Variants in LPL observed in about 807,000 individuals in gnomAD.
The protein encoded by LPL is lipoprotein lipase, also known as phospholipase A1.
A neutral mutation model predicts 52.2 loss-of-function variants in LPL; 43 were observed. The ratio of observed to expected loss-of-function variants is 0.82; its 90% CI spans 0.64 to 1.06. LPL has a LOEUF of 1.06. LPL is among the 50% of genes least tolerant of loss of function. The pLI is 0.00. For missense variants in LPL, 639 were observed against 585.3 expected (o/e 1.09, Z -0.95); for synonymous variants, 244 against 215.6 (o/e 1.13, Z -1.15).
chr8:19,940,065 G>T (rs1277723127), intron 1 of LPL, among the ~76,000 whole-genome samples: 1 of 152,200 alleles, frequency 6.6e-6, no homozygotes, highest in African/African-American at 2.4e-5. Flanking sequence ...TCAGCCGCAC[G>T]GGGTACGCTC....
chr8:19,963,757 G>A (rs2070060873), intron 9 of LPL, among the ~76,000 whole-genome samples: 1 of 152,078 alleles, frequency 6.6e-6, no homozygotes, highest in South Asian at 2.1e-4. Context: ...ATTAATGTAA[G>A]AGCATTCAGG....
rs1185337732 is a variant in LPL at position 19,965,257 on chromosome 8, T to A, written c.*-53T>A. 131 of 778,812 alleles carry A rather than the reference T, an allele frequency of 1.7e-4. 2 individuals carry two copies. In the East Asian group the frequency reaches 2.9e-3, roughly 17 times the overall value. The allele number at this position is 778,812 out of a possible 1,614,324, so 48.2% of individuals were successfully genotyped here. On this transcript the variant is annotated intron_variant, in intron 9 of 9. Coordinates refer to ENST00000650287, the MANE Select transcript of LPL (RefSeq NM_000237.3). Reference sequence around the variant, plus strand: ...AAACCAGTGGGGGACAGGCGGGAATTGTAAAACACTCAGAAGATAATAAAT... The same window carrying A: ...AAACCAGTGGGGGACAGGCGGGAATAGTAAAACACTCAGAAGATAATAAAT...
intron 5 of LPL, 35 bp from the exon 6 acceptor site, chr8:19,955,806 C>A (rs1451589897): frequency 1.2e-6 from 2 of 1,613,940 alleles, no homozygotes; most frequent in Non-Finnish European, 1.7e-6. Flanking sequence ...TGAATTTCTG[C>A]CGAGATACAA....
chr8:19,951,753 G>T lies in LPL; in HGVS notation c.250-16G>T, dbSNP rs748003181. On this transcript the variant is annotated splice_polypyrimidine_tract_variant and intron_variant, in intron 2 of 9. Coordinates refer to ENST00000650287, the MANE Select transcript of LPL (RefSeq NM_000237.3). ...GTAGGTGGGTATTTTAAGAAAGCTTGTGTCATCATCTTCAGGTAACAGGAA... is the reference window on the plus strand; with the variant it reads ...GTAGGTGGGTATTTTAAGAAAGCTTTTGTCATCATCTTCAGGTAACAGGAA... 4.7e-5 allele frequency: 76 copies of T among 1,613,950 alleles called. No homozygotes were observed. The highest frequency in any genetic ancestry group is 7.6e-6 in the Non-Finnish European group (9 of 1,179,936).
chr8:19,964,123 C>T (rs964919382), intron 9 of LPL, among the ~76,000 whole-genome samples: 2 of 151,844 alleles, frequency 1.3e-5, no homozygotes, highest in African/African-American at 4.8e-5. Flanking sequence ...TGGCTAATTT[C>T]GTATTTTTAG....
In LPL at chr8:19,948,170, T is replaced by C. The variant is rs758682787; in HGVS notation, c.89-10T>C. 2.5e-6 allele frequency: 4 copies of C among 1,613,836 alleles called. No individual in the cohort carries two copies. Among genetic ancestry groups the C allele is most frequent in the Non-Finnish European group, 3.4e-6 (4 of 1,179,838 alleles). On this transcript the variant is annotated splice_polypyrimidine_tract_variant and intron_variant, in intron 1 of 9. Coordinates refer to ENST00000650287, the MANE Select transcript of LPL (RefSeq NM_000237.3). ...TCCAGTTAACCTCATATCCAATTTT[T>C]CCTTTCCAGAAAGAAGAGATTTTAT...
In LPL at chr8:19,965,793, G is replaced by A. The variant is rs2070081924; in HGVS notation, c.*483G>A. ...ATCAGACTCATCTACACAGCAGTATGAATGATGTTTTAGAATGATTCCCTC... is the reference window on the plus strand; with the variant it reads ...ATCAGACTCATCTACACAGCAGTATAAATGATGTTTTAGAATGATTCCCTC... On this transcript the variant is annotated 3_prime_UTR_variant, in exon 10 of 10. Transcript: ENST00000650287. 6.5e-6 allele frequency: 1 copy of A among 154,964 alleles called. No individual in the cohort carries two copies. Among genetic ancestry groups the A allele is most frequent in the Admixed American group, 6.4e-5 (1 of 15,666 alleles). 9.6% of individuals were successfully genotyped at this position (154,964 alleles called of 1,614,324 possible).
At position 19,944,945 on chromosome 8, in the gene LPL, C is replaced by G. The variant is rs746656081; in HGVS notation, c.89-3235C>G. On this transcript the variant is annotated intron_variant, in intron 1 of 9. Transcript: ENST00000650287. This position sits in a 1 kb window ranked among gnomAD's most constrained non-coding sequence, Gnocchi z 4.2. ...TGCTAAGTTAAATTCAGAATGAAGG[C>G]CTGCCTTTCCTTCCCTCCTTCCTTC... Among the ~76,000 whole-genome samples, 2 of 152,100 alleles carry G rather than the reference C, an allele frequency of 1.3e-5. No individual in the cohort carries two copies. Among genetic ancestry groups the G allele is most frequent in the Middle Eastern group, 3.4e-3 (1 of 294 alleles).
rs190911020 is a variant in LPL, at chr8:19,944,747, T to C, written c.89-3433T>C. On this transcript the variant is annotated intron_variant, in intron 1 of 9. Coordinates refer to ENST00000650287, the MANE Select transcript of LPL (RefSeq NM_000237.3). The surrounding 1 kb of genome is among the most constrained non-coding windows in gnomAD (Gnocchi z 4.2). ...AGTTATTATCTATGTTAGAATAAAT[T>C]CTTTGTCTTTGTTTACACACTCAGA... Among the ~76,000 whole-genome samples, 8 of 152,320 alleles carry C rather than the reference T, an allele frequency of 5.3e-5. No individual in the cohort carries two copies. The East Asian group carries it at 1.3e-3, about 26-fold the overall frequency.
chr8:19,945,070 T>C (rs2069871480), intron 1 of LPL, among the ~76,000 whole-genome samples: 1 of 152,160 alleles, frequency 6.6e-6, no homozygotes, highest in Non-Finnish European at 1.5e-5. Flanking sequence ...CTAAGGGACA[T>C]GGCAAAAGAC....
chr8:19,966,963 T>C lies in LPL; in HGVS notation c.*1653T>C, dbSNP rs1386205630. ...AAGCAGCACATAGCACTGGGAACTC[T>C]GGCTCCGAAAAACTTTGTTATATAT... On this transcript the variant is annotated 3_prime_UTR_variant, in exon 10 of 10. Coordinates refer to ENST00000650287, the MANE Select transcript of LPL (RefSeq NM_000237.3). 2.0e-5 allele frequency: 3 copies of C among 152,648 alleles called. No homozygotes were observed. Among genetic ancestry groups the C allele is most frequent in the Non-Finnish European group, 4.4e-5 (3 of 68,032 alleles). The allele number at this position is 152,648 out of a possible 1,614,324, so 9.5% of individuals were successfully genotyped here.
chr8:19,939,660 T>A lies in LPL; in HGVS notation c.88+132T>A. 4 of 931,270 alleles carry A rather than the reference T, an allele frequency of 4.3e-6. No individual in the cohort carries two copies. The South Asian group carries it at 4.7e-5, about 11-fold the overall frequency. The allele number at this position is 931,270 out of a possible 1,614,324, so 57.7% of individuals were successfully genotyped here. A position where few individuals can be genotyped will look rare whatever the true frequency, so the allele number is the denominator to read the frequency against. On this transcript the variant is annotated intron_variant, in intron 1 of 9. Transcript: ENST00000650287. This position sits in a 1 kb window ranked among gnomAD's most constrained non-coding sequence, Gnocchi z 4.0. ...CCAGGGACTCTCCCAGCCTGGGCTC[T>A]AGCCCCGAAACGGTCCCCGGAGTGG...
At chr8:19,955,043 C>T (rs2069971434) in intron 5 of LPL, among the ~76,000 whole-genome samples, 1 of 152,132 alleles carries the variant, frequency 6.6e-6, no homozygotes, top group Non-Finnish European at 1.5e-5. Flanking sequence ...ACTTTATAGA[C>T]ATTGGGACCT....
rs1218175148 is a variant in LPL, at chr8:19,942,073, G to A, written c.88+2545G>A. Reference sequence around the variant, plus strand: ...ATGTCACTGAAGGAGAGCTCAGCGAGGGAGTGATTGATTAATAGCTGTATT... The same window carrying A: ...ATGTCACTGAAGGAGAGCTCAGCGAAGGAGTGATTGATTAATAGCTGTATT... On this transcript the variant is annotated intron_variant, in intron 1 of 9. Coordinates refer to ENST00000650287, the MANE Select transcript of LPL (RefSeq NM_000237.3). Among the ~76,000 whole-genome samples the A allele has an allele frequency of 2.6e-5, 4 of 152,206 alleles. No homozygotes were observed. In the East Asian group the frequency reaches 5.8e-4, roughly 22 times the overall value.
Position 19,965,182 on chromosome 8 carries a change from T to G in LPL, c.*-128T>G, listed in dbSNP as rs1019235169. The G allele has an allele frequency of 5.7e-6, 4 of 706,454 alleles. No individual in the cohort carries two copies. In the African/African-American group the frequency reaches 7.0e-5, roughly 12 times the overall value. 43.8% of individuals were successfully genotyped at this position (706,454 alleles called of 1,614,324 possible). ...ATTATACACATCTCCCCTGGGTTTA[T>G]TCTCACAACCTTTGTTCTGAAATTC... On this transcript the variant is annotated intron_variant, in intron 9 of 9. Coordinates refer to ENST00000650287, the MANE Select transcript of LPL (RefSeq NM_000237.3).
At chr8:19,963,824 C>G (rs1174023550) in intron 9 of LPL, among the ~76,000 whole-genome samples, 2 of 152,144 alleles carry the variant, frequency 1.3e-5, no homozygotes. Flanking sequence ...TAACGCAATT[C>G]TTATCTAACT....
chr8:19,948,880 A>T (rs2069906850), intron 2 of LPL, among the ~76,000 whole-genome samples: 1 of 151,930 alleles, frequency 6.6e-6, no homozygotes, highest in Non-Finnish European at 1.5e-5. Context: ...GTCCCTAAAA[A>T]CACTCTACTT....
chr8:19,952,772 C>T (rs2128837875), intron 3 of LPL, among the ~76,000 whole-genome samples: 1 of 152,300 alleles, frequency 6.6e-6, no homozygotes, highest in Non-Finnish European at 1.5e-5. Context: ...TGGTCCCTTC[C>T]ACTGAATGTT....
chr8:19,961,930 G>A (rs2070042635), intron 8 of LPL, among the ~76,000 whole-genome samples, 185 bp from the exon 9 acceptor site: 1 of 152,114 alleles, frequency 6.6e-6, no homozygotes, highest in Non-Finnish European at 1.5e-5. Flanking sequence ...TGAACACCAG[G>A]TTAGGCTCTC....
Sources: gnomAD v4.1 joint callset for allele counts (sites outside exome capture counted in the v4.1 genomes callset) on GRCh38, gnomAD v4.1.1 for gene constraint, Gnocchi (gnomAD v3.1) non-coding constraint, MANE v1.5 for transcripts, NCBI Gene and HGNC (gene_info 2026-07-23, HGNC 2026-07-21) for gene names.